CCSER1: variants seen among roughly 807,000 people sequenced by gnomAD.
CCSER1 encodes serine-rich coiled-coil domain-containing protein 1.
A neutral mutation model predicts 82.0 loss-of-function variants in CCSER1; 41 were observed. The ratio of observed to expected loss-of-function variants is 0.50; its 90% confidence interval spans 0.39 to 0.65. CCSER1 has a LOEUF of 0.65. Ranked by LOEUF, CCSER1 falls within the 30% of genes least tolerant of loss-of-function variation. The probability of loss-of-function intolerance (pLI) is 0.00; values close to 1 mark genes in which losing one functional copy is unlikely to be tolerated. For synonymous variants in CCSER1, 414 were observed against 383.9 expected (o/e 1.08, Z -0.92); for missense variants, 1,119 against 1,064.2 (o/e 1.05, Z -0.72).
chr4:90,204,117 A>G (rs938989830), intron 1 of CCSER1, among the ~76,000 whole-genome samples: 4 of 152,210 alleles, frequency 2.6e-5, no homozygotes, highest in African/African-American at 9.6e-5. Flanking sequence ...ATAGATTGCA[A>G]AAATTTTCTC....
intron 8 of CCSER1, among the ~76,000 whole-genome samples, chr4:90,853,297 T>C (rs1052662173): frequency 2.0e-5 from 3 of 152,118 alleles, no homozygotes; most frequent in African/African-American, 7.2e-5. Flanking sequence ...TTTTTTCTAG[T>C]ATTTTCTTCA....
intron 10 of CCSER1, among the ~76,000 whole-genome samples, chr4:91,334,156 A>C (rs879278041): frequency 2.0e-5 from 3 of 152,102 alleles, no homozygotes; most frequent in Non-Finnish European, 4.4e-5. Context: ...GATTCTTGAG[A>C]TCCTAATTAT....
At chr4:91,508,475 T>C (rs1759647107) in intron 10 of CCSER1, among the ~76,000 whole-genome samples, 1 of 151,710 alleles carries the variant, frequency 6.6e-6, no homozygotes, top group Admixed American at 6.6e-5. Flanking sequence ...TGTGTAATTG[T>C]TTCTATATGC....
At chr4:91,264,101 G>T (rs976873629) in intron 10 of CCSER1, among the ~76,000 whole-genome samples, 4 of 151,264 alleles carry the variant, frequency 2.6e-5, no homozygotes, top group African/African-American at 9.7e-5. Flanking sequence ...AACAAACCAG[G>T]ATGAAACATT....
intron 1 of CCSER1, among the ~76,000 whole-genome samples, chr4:90,151,889 T>C (rs2153351875): frequency 6.6e-6 from 1 of 152,252 alleles, no homozygotes; most frequent in East Asian, 1.9e-4. Flanking sequence ...AGGAAGTAGC[T>C]ATGATAAATG....
intron 8 of CCSER1, among the ~76,000 whole-genome samples, chr4:90,861,927 T>TATATATATATATATATATA (rs796104595): frequency 4.0e-5 from 3 of 74,420 alleles, no homozygotes; most frequent in African/African-American, 1.1e-4. Flanking sequence ...TATATATATA[T>TATATATATATATATATATA]TTTTTTTTTC....
intron 10 of CCSER1, among the ~76,000 whole-genome samples, chr4:91,270,314 T>A (rs1741922243): frequency 6.6e-6 from 1 of 152,216 alleles, no homozygotes; most frequent in African/African-American, 2.4e-5. Context: ...GTAAAAATGG[T>A]GTTGACTCTT....
chr4:90,409,076 GA>G (rs1432561012), intron 4 of CCSER1, among the ~76,000 whole-genome samples: 1 of 152,064 alleles, frequency 6.6e-6, no homozygotes, highest in Non-Finnish European at 1.5e-5. Flanking sequence ...GAGAAGTTTA[GA>G]GAAAAAAGAA....
intron 1 of CCSER1, among the ~76,000 whole-genome samples, chr4:90,226,867 T>G (rs1743265694): frequency 6.6e-6 from 1 of 152,224 alleles, no homozygotes; most frequent in Non-Finnish European, 1.5e-5. Flanking sequence ...TCCCAGCCAA[T>G]GACTGAGCAT....
chr4:90,202,376 T>C (rs1047740647), intron 1 of CCSER1, among the ~76,000 whole-genome samples: 2 of 152,204 alleles, frequency 1.3e-5, no homozygotes, highest in South Asian at 2.1e-4. Flanking sequence ...CTAACTTTGG[T>C]ATTTTTAGTA....
At chr4:90,756,736 G>A (rs17017519) in intron 7 of CCSER1, among the ~76,000 whole-genome samples, 6,432 of 152,226 alleles carry the variant, frequency 0.042, 410 homozygotes, top group African/African-American at 0.14. Context: ...ATTACCAGGA[G>A]ACAAGAACCG....
intron 8 of CCSER1, among the ~76,000 whole-genome samples, chr4:90,850,449 C>G (rs1763740096): frequency 1.3e-5 from 2 of 152,208 alleles, no homozygotes; most frequent in Non-Finnish European, 2.9e-5. Context: ...GGGAGCTGGC[C>G]TTTATCCTGC....
chr4:90,341,225 A>T (rs1034740234), intron 3 of CCSER1, among the ~76,000 whole-genome samples: 1 of 152,088 alleles, frequency 6.6e-6, no homozygotes, highest in East Asian at 1.9e-4. Context: ...TTACTGCTGC[A>T]TCATGCAGTG....
At position 90,895,956 on chromosome 4, in the gene CCSER1, G is replaced by A. The variant is rs570054946; in HGVS notation, c.2095-27414G>A. Among the ~76,000 whole-genome samples the A allele has an allele frequency of 3.3e-5, 5 of 152,016 alleles. No individual in the cohort carries two copies. In the East Asian group the frequency reaches 9.7e-4, roughly 29 times the overall value. On this transcript the variant is annotated intron_variant, in intron 8 of 10. Transcript: ENST00000509176. The stretch of plus-strand genomic sequence containing the variant: ...AGCTGCAGTATGGAGCATATATTAA[G>A]TGATACAAAACTGGAAGAGAGAACA...
At chr4:90,275,404 G>T (rs943365185) in intron 1 of CCSER1, among the ~76,000 whole-genome samples, 1 of 151,988 alleles carries the variant, frequency 6.6e-6, no homozygotes, top group African/African-American at 2.4e-5. Context: ...AAAATAAAAG[G>T]GGCATACTGA....
At chr4:90,230,788 A>T (rs1400497579) in intron 1 of CCSER1, among the ~76,000 whole-genome samples, 3 of 152,084 alleles carry the variant, frequency 2.0e-5, no homozygotes, top group Non-Finnish European at 4.4e-5. Context: ...GATAAAGGGG[A>T]TATCACCACC....
chr4:90,578,812 T>G (rs748454445), intron 5 of CCSER1, among the ~76,000 whole-genome samples: 1 of 152,184 alleles, frequency 6.6e-6, no homozygotes, highest in Non-Finnish European at 1.5e-5. Flanking sequence ...TACTTGCTAT[T>G]CATTCAATAA....
chr4:90,940,599 A>T (rs757436733), intron 9 of CCSER1, among the ~76,000 whole-genome samples: 1 of 152,104 alleles, frequency 6.6e-6, no homozygotes, highest in Non-Finnish European at 1.5e-5. Flanking sequence ...TTTGTGCTAT[A>T]TTCCAACGTG....
At chr4:90,281,651 A>G (rs1300984213) in intron 1 of CCSER1, among the ~76,000 whole-genome samples, 1 of 152,052 alleles carries the variant, frequency 6.6e-6, no homozygotes, top group African/African-American at 2.4e-5. Context: ...AAAGTGATTC[A>G]TAGGAATGAA....
Sources: allele counts gnomAD v4.1 joint callset (sites outside exome capture counted in the v4.1 genomes callset), GRCh38; gene constraint gnomAD v4.1.1; transcripts MANE v1.5; gene names NCBI Gene and HGNC (gene_info 2026-07-23, HGNC 2026-07-21).